SNTG2: variants seen among roughly 807,000 people sequenced by gnomAD.
SNTG2 encodes the protein gamma-2-syntrophin.
In SNTG2, 74 loss-of-function variants were observed where a neutral mutation model predicts 70.9. The observed-to-expected ratio is 1.04, with a 90% CI of 0.86 to 1.27. SNTG2 has a LOEUF of 1.27. SNTG2 is among the 50% of genes most tolerant of loss of function. The probability of loss-of-function intolerance (pLI) is 0.00; values close to 1 mark genes in which losing one functional copy is unlikely to be tolerated. For synonymous variants in SNTG2, 278 were observed against 273.8 expected (o/e 1.02, Z -0.15); for missense variants, 717 against 690.7 (o/e 1.04, Z -0.43).
chr2:1,192,576 A>AG (rs533766581), intron 8 of SNTG2, among the ~76,000 whole-genome samples: 65 of 152,174 alleles, frequency 4.3e-4, no homozygotes, highest in Non-Finnish European at 8.8e-4. Context: ...CTAGAATTAA[A>AG]GCAAGGCTCC....
intron 16 of SNTG2, among the ~76,000 whole-genome samples, chr2:1,363,508 C>T (rs1187692970): frequency 1.3e-5 from 2 of 152,184 alleles, no homozygotes; most frequent in African/African-American, 4.8e-5. Flanking sequence ...GTTCATTCCA[C>T]ACTGTTTCCT....
intron 14 of SNTG2, among the ~76,000 whole-genome samples, chr2:1,270,802 C>G (rs144468596): frequency 0.014 from 2,200 of 152,304 alleles, 27 homozygotes; most frequent in Non-Finnish European, 0.026. Context: ...TGACTTTGAT[C>G]GTATTCCAAC....
At chr2:1,036,446 A>G (rs949612299) in intron 1 of SNTG2, among the ~76,000 whole-genome samples, 2 of 152,168 alleles carry the variant, frequency 1.3e-5, no homozygotes, top group Non-Finnish European at 2.9e-5. Context: ...CTAAGATCTC[A>G]TATTGTTTTA....
Position 1,139,238 on chromosome 2 carries a change from A to ATGTTTTG in SNTG2, c.411+1430_411+1431insGTTTTGT, listed in dbSNP as rs1558446012. 3.3e-5 allele frequency among the ~76,000 whole-genome samples: 5 copies of ATGTTTTG among 151,660 alleles called. 1 individual carries two copies. The highest frequency in any genetic ancestry group is 7.4e-5 in the Non-Finnish European group (5 of 67,860). On this transcript the variant is annotated intron_variant, in intron 6 of 16. Transcript: ENST00000308624. ...TTTGTTTGTTTGTTTGTTTTGTTTC[A>ATGTTTTG]TTTTGTTTTTGAGACAGAGTCTTGT...
At chr2:1,130,125 C>T (rs1323283429) in intron 4 of SNTG2, among the ~76,000 whole-genome samples, 1 of 152,150 alleles carries the variant, frequency 6.6e-6, no homozygotes, top group Non-Finnish European at 1.5e-5. Flanking sequence ...ACAATATGAG[C>T]AATGAAAGTA....
At chr2:1,207,318 A>G (rs1033888636) in intron 8 of SNTG2, among the ~76,000 whole-genome samples, 10 of 152,246 alleles carry the variant, frequency 6.6e-5, no homozygotes, top group African/African-American at 2.4e-4. Context: ...CAAATGTTCC[A>G]ATATTGCCAC....
chr2:1,208,248 TGTGA>T (rs1327861319), intron 8 of SNTG2, among the ~76,000 whole-genome samples: 1 of 129,160 alleles, frequency 7.7e-6, no homozygotes, highest in Non-Finnish European at 1.7e-5. Flanking sequence ...GGGGCACACC[TGTGA>T]GTGTGAGGCA....
At chr2:1,239,580 T>A (rs574630152) in intron 10 of SNTG2, among the ~76,000 whole-genome samples, 158 bp from the exon 11 acceptor site, 1 of 152,340 alleles carries the variant, frequency 6.6e-6, no homozygotes, top group South Asian at 2.1e-4. Flanking sequence ...TGCTGCCATG[T>A]TTGTATTGAC....
intron 1 of SNTG2, among the ~76,000 whole-genome samples, chr2:1,029,373 G>C (rs1660684585): frequency 6.6e-6 from 1 of 152,154 alleles, no homozygotes; most frequent in Non-Finnish European, 1.5e-5. Flanking sequence ...GATTAAACAA[G>C]CTATAACATG....
At chr2:1,247,280 A>G (rs1486372314) in intron 11 of SNTG2, 47 bp from the exon 12 acceptor site, 1 of 1,167,336 alleles carries the variant, frequency 8.6e-7, no homozygotes, top group Non-Finnish European at 1.3e-6. Flanking sequence ...CTGCTGTGAC[A>G]GTATGCCCTC....
At chr2:1,126,619 C>A (rs192969848) in intron 4 of SNTG2, among the ~76,000 whole-genome samples, 2 of 152,206 alleles carry the variant, frequency 1.3e-5, no homozygotes, top group Non-Finnish European at 2.9e-5. Context: ...CCTTCCTCTG[C>A]ACCCTCACCA....
intron 6 of SNTG2, among the ~76,000 whole-genome samples, chr2:1,164,201 T>C (rs1254804577): frequency 6.6e-6 from 1 of 151,792 alleles, no homozygotes; most frequent in Non-Finnish European, 1.5e-5. Flanking sequence ...GTGGGCAGTC[T>C]CTGTGTAGAG....
chr2:1,355,849 T>C (rs9749785), intron 16 of SNTG2, among the ~76,000 whole-genome samples: 65,161 of 152,018 alleles, frequency 0.43, 14,060 homozygotes, highest in Middle Eastern at 0.49. Context: ...AACACGGTAT[T>C]TTCTATGTGG....
At chr2:1,039,145 G>A (rs1661290329) in intron 1 of SNTG2, among the ~76,000 whole-genome samples, 3 of 152,054 alleles carry the variant, frequency 2.0e-5, no homozygotes, top group African/African-American at 7.2e-5. Flanking sequence ...TCCCAGTTAA[G>A]GTATATAAAG....
chr2:977,288 T>C (rs1046928597), intron 1 of SNTG2, among the ~76,000 whole-genome samples: 1 of 152,244 alleles, frequency 6.6e-6, no homozygotes, highest in African/African-American at 2.4e-5. Flanking sequence ...TGCCCTGCGT[T>C]AGAAGATTTT....
chr2:1,277,952 A>G (rs1051532910), intron 14 of SNTG2, among the ~76,000 whole-genome samples: 22 of 152,306 alleles, frequency 1.4e-4, no homozygotes, highest in Admixed American at 1.2e-3. Flanking sequence ...CGGGGAAGAT[A>G]ACGCTTTTCT....
intron 14 of SNTG2, among the ~76,000 whole-genome samples, chr2:1,278,520 A>C (rs1679363526): frequency 6.6e-6 from 1 of 152,176 alleles, no homozygotes; most frequent in Non-Finnish European, 1.5e-5. Flanking sequence ...CCATCTGCTA[A>C]GTTCTTTTAT....
chr2:1,027,946 T>A (rs569650553), intron 1 of SNTG2, among the ~76,000 whole-genome samples: 1 of 145,014 alleles, frequency 6.9e-6, no homozygotes, highest in South Asian at 2.3e-4. Flanking sequence ...AAGTAACTCA[T>A]GCATCTCTGT....
chr2:1,230,527 G>A (rs868142675), intron 9 of SNTG2, among the ~76,000 whole-genome samples: 2 of 152,196 alleles, frequency 1.3e-5, no homozygotes, highest in Non-Finnish European at 2.9e-5. Flanking sequence ...CTGGGTGGTC[G>A]AGGCCAATTG....
Sources: gnomAD v4.1 joint callset for allele counts (sites outside exome capture counted in the v4.1 genomes callset) on GRCh38, gnomAD v4.1.1 for gene constraint, MANE v1.5 for transcripts, NCBI Gene and HGNC (gene_info 2026-07-23, HGNC 2026-07-21) for gene names.